SHROOM3: variants seen among roughly 807,000 people sequenced by gnomAD.
SHROOM3 encodes the protein protein Shroom3.
Under a neutral mutation model 138.6 loss-of-function variants are expected in SHROOM3, and 47 were observed. The ratio of observed to expected loss-of-function variants is 0.34; its 90% confidence interval spans 0.27 to 0.43. SHROOM3 has a LOEUF of 0.43. Ranked by LOEUF, SHROOM3 falls within the 20% of genes least tolerant of loss-of-function variation. The pLI is 1.00. For missense variants in SHROOM3, 2,491 were observed against 2,596.5 expected (o/e 0.96, Z 0.88); for synonymous variants, 1,062 against 1,063.3 (o/e 1.00, Z 0.02).
chr4:76,526,606 A>C (rs1579213209), intron 1 of SHROOM3, among the ~76,000 whole-genome samples: 1 of 152,290 alleles, frequency 6.6e-6, no homozygotes, highest in South Asian at 2.1e-4. Flanking sequence ...TCTTGGGTAC[A>C]CTGTACACCA....
intron 1 of SHROOM3, among the ~76,000 whole-genome samples, chr4:76,451,341 A>C (rs1321754847): frequency 6.6e-6 from 1 of 152,224 alleles, no homozygotes; most frequent in Non-Finnish European, 1.5e-5. Flanking sequence ...AATTATTCAA[A>C]GAATCATAAA....
chr4:76,475,735 G>A (rs893702520), intron 1 of SHROOM3, among the ~76,000 whole-genome samples: 8 of 152,136 alleles, frequency 5.3e-5, no homozygotes, highest in African/African-American at 1.7e-4. Context: ...AGAATATTAA[G>A]GAAATCCAAA....
intron 4 of SHROOM3, among the ~76,000 whole-genome samples, chr4:76,735,852 AAAAAAAAAAAAAAAAAATATATATAT>A (rs1273922441): frequency 2.1e-4 from 12 of 56,620 alleles, no homozygotes; most frequent in African/African-American, 6.5e-4. Context: ...AAAAAAAAAA[AAAAAAAAAAAAAAAAAATATATATAT>A]ATATATATAT....
At chr4:76,647,848 A>G (rs1381720796) in intron 2 of SHROOM3, among the ~76,000 whole-genome samples, 3 of 152,110 alleles carry the variant, frequency 2.0e-5, no homozygotes, top group Admixed American at 1.3e-4. Flanking sequence ...GTGAGCAGTG[A>G]TCATGTACAA....
At chr4:76,683,677 AT>A (rs1719260847) in intron 2 of SHROOM3, among the ~76,000 whole-genome samples, 1 of 152,070 alleles carries the variant, frequency 6.6e-6, no homozygotes, top group African/African-American at 2.4e-5. Flanking sequence ...GGGTTGTCTT[AT>A]GCCTCAGCAT....
chr4:76,657,429 G>A (rs1693152052), intron 2 of SHROOM3, among the ~76,000 whole-genome samples: 1 of 152,102 alleles, frequency 6.6e-6, no homozygotes, highest in Non-Finnish European at 1.5e-5. Flanking sequence ...TTTCCTCCTG[G>A]TAAATGACAT....
At chr4:76,729,616 A>G (rs947766906) in intron 3 of SHROOM3, among the ~76,000 whole-genome samples, 10 of 152,218 alleles carry the variant, frequency 6.6e-5, no homozygotes, top group South Asian at 2.1e-4. Flanking sequence ...CCAGCCTCTG[A>G]TTAATCTTCT....
intron 3 of SHROOM3, among the ~76,000 whole-genome samples, chr4:76,725,826 G>A (rs1300764315): frequency 6.6e-6 from 1 of 152,152 alleles, no homozygotes; most frequent in Non-Finnish European, 1.5e-5. Flanking sequence ...CCCTTCCTGA[G>A]TCTTTAAGGA....
chr4:76,763,571 GA>G (rs920344588), intron 9 of SHROOM3, among the ~76,000 whole-genome samples: 4 of 150,190 alleles, frequency 2.7e-5, no homozygotes, highest in South Asian at 2.1e-4. Context: ...TCTCAAAAAA[GA>G]AAAAAAAATT....
chr4:76,764,428 CAGG>C lies in SHROOM3; in HGVS notation c.5349+4736_5349+4738del, dbSNP rs755512642. Among the ~76,000 whole-genome samples the C allele has an allele frequency of 1.3e-5, 2 of 152,352 alleles. 1 individual carries two copies. Among genetic ancestry groups the C allele is most frequent in the Non-Finnish European group, 2.9e-5 (2 of 68,034 alleles). ...ATTGTTCCTCTGAGTCAGCTTTTCT[CAGG>C]AGATCACTGGTTCTCAGCTGCCCAT... On this transcript the variant is annotated intron_variant, in intron 9 of 10. Coordinates refer to ENST00000296043, the MANE Select transcript of SHROOM3 (RefSeq NM_020859.4).
At chr4:76,773,322 C>T (rs4859713) in intron 10 of SHROOM3, among the ~76,000 whole-genome samples, 22,071 of 146,252 alleles carry the variant, frequency 0.15, 1,688 homozygotes, top group East Asian at 0.23. Context: ...TGCAGTGAGC[C>T]GAGATCACAC....
chr4:76,539,010 T>C (rs1341320015), intron 1 of SHROOM3, among the ~76,000 whole-genome samples: 4 of 152,206 alleles, frequency 2.6e-5, no homozygotes, highest in Non-Finnish European at 4.4e-5. Flanking sequence ...GCTGCCTGTT[T>C]TAGAATTAGA....
intron 2 of SHROOM3, among the ~76,000 whole-genome samples, chr4:76,567,315 A>G (rs1420461523): frequency 6.6e-6 from 1 of 152,124 alleles, no homozygotes; most frequent in Non-Finnish European, 1.5e-5. Context: ...TGGGTGGATC[A>G]TTTGAGGTCA....
intron 1 of SHROOM3, among the ~76,000 whole-genome samples, chr4:76,464,449 TC>T (rs1306118883): frequency 1.3e-5 from 2 of 152,162 alleles, no homozygotes; most frequent in African/African-American, 2.4e-5. Context: ...AGAAGGGACT[TC>T]CTAGTCTCAG....
chr4:76,529,494 A>G (rs1364071092), intron 1 of SHROOM3, among the ~76,000 whole-genome samples: 1 of 151,624 alleles, frequency 6.6e-6, no homozygotes, highest in African/African-American at 2.4e-5. Flanking sequence ...TTTTTTGTGT[A>G]TATATATATT....
In SHROOM3 at chr4:76,755,175, C is replaced by T. The variant is rs763185140; in HGVS notation, c.4692C>T (p.Pro1564=). Residue 1564 remains proline, a synonymous_variant, in exon 7 of 11, where the codon CCC becomes CCT. Coordinates refer to ENST00000296043, the MANE Select transcript of SHROOM3 (RefSeq NM_020859.4). ...VCEAQLDSED[P]EGPRPSFNKL... The stretch of plus-strand genomic sequence containing the variant: ...AGGCGCAGCTGGACAGTGAGGATCC[C>T]GAGGGGCCACGCCCCAGGTGAGTGA... 28 of 1,613,642 alleles carry T rather than the reference C, an allele frequency of 1.7e-5. No homozygotes were observed. Among genetic ancestry groups the T allele is most frequent in the Admixed American group, 8.3e-5 (5 of 59,954 alleles).
chr4:76,733,513 C>T (rs981168648), intron 4 of SHROOM3, among the ~76,000 whole-genome samples: 6 of 152,210 alleles, frequency 3.9e-5, no homozygotes, highest in Non-Finnish European at 7.3e-5. Context: ...GCAGCACAAA[C>T]CACCCTGTGG....
chr4:76,625,725 C>CT, intron 2 of SHROOM3, among the ~76,000 whole-genome samples: 1 of 152,328 alleles, frequency 6.6e-6, no homozygotes, highest in South Asian at 2.1e-4. Context: ...ACTTCTCTAA[C>CT]TAGAAGGCTT....
Position 76,567,656 on chromosome 4 carries a change from A to G in SHROOM3, c.323+11893A>G, listed in dbSNP as rs1399674916. On this transcript the variant is annotated intron_variant, in intron 2 of 10. Coordinates refer to ENST00000296043, the MANE Select transcript of SHROOM3 (RefSeq NM_020859.4). ...CAGAGCGAGACTCCATCTCAAAAAA[A>G]TTAATAAATAACTAAAAAGATTCTT... Among the ~76,000 whole-genome samples, 4 of 152,310 alleles carry G rather than the reference A, an allele frequency of 2.6e-5. No individual in the cohort carries two copies. The East Asian group carries it at 5.8e-4, about 22-fold the overall frequency.
Sources: gnomAD v4.1 joint callset for allele counts (sites outside exome capture counted in the v4.1 genomes callset) on GRCh38, gnomAD v4.1.1 for gene constraint, MANE v1.5 for transcripts, NCBI Gene and HGNC (gene_info 2026-07-23, HGNC 2026-07-21) for gene names.